The following HNF4G variants were observed in gnomAD, a reference collection of about 807,000 sequenced individuals.
HNF4G encodes the protein hepatocyte nuclear factor 4-gamma.
HNF4G carries 21 observed loss-of-function variants against 50.9 expected under a neutral mutation model. The ratio of observed to expected loss-of-function variants is 0.41; its 90% CI spans 0.29 to 0.59. The LOEUF is 0.59. Among genes scored for constraint, HNF4G ranks in the 20% least tolerant of loss-of-function variants. The pLI, the probability that HNF4G is intolerant of heterozygous loss-of-function variation, is 0.26. For synonymous variants in HNF4G, 198 were observed against 185.6 expected (o/e 1.07, Z -0.54); for missense variants, 527 against 559.4 (o/e 0.94, Z 0.58).
intron 1 of HNF4G, among the ~76,000 whole-genome samples, chr8:75,464,438 C>G (rs1266654112): frequency 6.6e-6 from 1 of 151,980 alleles, no homozygotes; most frequent in East Asian, 1.9e-4. Context: ...TTTATCTTAT[C>G]CTCAGTTTTT....
chr8:75,542,558 C>T (rs1017738821), intron 1 of HNF4G, among the ~76,000 whole-genome samples: 1 of 140,326 alleles, frequency 7.1e-6, no homozygotes, highest in African/African-American at 2.6e-5. Flanking sequence ...AAAAAAAAGA[C>T]GGTATTGCTG....
intron 2 of HNF4G, among the ~76,000 whole-genome samples, chr8:75,531,054 A>T (rs1806314166): frequency 6.6e-6 from 1 of 152,104 alleles, no homozygotes. Context: ...TTGGCCTCCC[A>T]AGGTGCTGGG....
At chr8:75,468,309 G>C in intron 1 of HNF4G, among the ~76,000 whole-genome samples, 1 of 152,100 alleles carries the variant, frequency 6.6e-6, no homozygotes, top group East Asian at 1.9e-4. Flanking sequence ...TACACTTAAA[G>C]TTTTGCAGAG....
rs747622890 is a variant in HNF4G at position 75,563,954 on chromosome 8, A to G, written c.1247-21A>G. 1.2e-5 allele frequency: 19 copies of G among 1,612,560 alleles called. No individual in the cohort carries two copies. The Admixed American group carries it at 2.0e-4, about 17-fold the overall frequency. ...AAGACTGACTGCCACCATTAGACTC[A>G]ATTCTCTGATTCTTTTTCAGCAACT... On this transcript the variant is annotated intron_variant, in intron 9 of 9. Coordinates refer to ENST00000396423, the MANE Select transcript of HNF4G (RefSeq NM_004133.5).
At chr8:75,457,622 A>C (rs570701780) in intron 1 of HNF4G, among the ~76,000 whole-genome samples, 15 of 152,220 alleles carry the variant, frequency 9.9e-5, no homozygotes, top group African/African-American at 3.6e-4. Flanking sequence ...AATTCCTTGG[A>C]GCCTGACATG....
intron 2 of HNF4G, among the ~76,000 whole-genome samples, chr8:75,544,895 A>G (rs1162244441): frequency 6.6e-6 from 1 of 152,118 alleles, no homozygotes; most frequent in Non-Finnish European, 1.5e-5. Flanking sequence ...AACTTTCTCA[A>G]AGTCTTGCCA....
chr8:75,493,634 AT>A (rs1812686382), intron 2 of HNF4G, among the ~76,000 whole-genome samples: 1 of 152,122 alleles, frequency 6.6e-6, no homozygotes, highest in Non-Finnish European at 1.5e-5. Flanking sequence ...TTAAAAAAGT[AT>A]ATTTTTAAAT....
At chr8:75,532,587 A>G (rs1806358405) in intron 2 of HNF4G, among the ~76,000 whole-genome samples, 1 of 152,104 alleles carries the variant, frequency 6.6e-6, no homozygotes, top group Non-Finnish European at 1.5e-5. Context: ...ATGGGGTAAG[A>G]GAAGAATGTT....
chr8:75,449,400 C>G (rs916758066), intron 1 of HNF4G, among the ~76,000 whole-genome samples: 13 of 151,670 alleles, frequency 8.6e-5, no homozygotes, highest in Non-Finnish European at 1.8e-4. Flanking sequence ...ACTAAAAAAA[C>G]AAATTTTTGG....
intron 2 of HNF4G, among the ~76,000 whole-genome samples, chr8:75,522,605 G>A (rs561186515): frequency 1.3e-4 from 20 of 152,020 alleles, no homozygotes; most frequent in East Asian, 3.9e-4. Context: ...ATCATTTTAC[G>A]ATGTTTGCAG....
At position 75,491,404 on chromosome 8, in the gene HNF4G, A is replaced by G. The variant is rs143358215; in HGVS notation, c.-24+1196A>G. 5.9e-5 allele frequency among the ~76,000 whole-genome samples: 9 copies of G among 152,198 alleles called. No homozygotes were observed. The East Asian group carries it at 1.5e-3, about 26-fold the overall frequency. The stretch of plus-strand genomic sequence containing the variant: ...CTAAAATCATAGTATCTTATAGGCA[A>G]TTTTTTTAGGTCATAGAAATTTGAG... On this transcript the variant is annotated intron_variant, in intron 2 of 10. Transcript: ENST00000354370.
At chr8:75,528,198 A>G (rs1040537364) in intron 2 of HNF4G, among the ~76,000 whole-genome samples, 5 of 152,182 alleles carry the variant, frequency 3.3e-5, no homozygotes, top group African/African-American at 9.7e-5. Flanking sequence ...TATCTTATCC[A>G]TGTCTTGGTA....
At chr8:75,553,866 G>A (rs1807039664) in intron 5 of HNF4G, among the ~76,000 whole-genome samples, 1 of 151,974 alleles carries the variant, frequency 6.6e-6, no homozygotes, top group African/African-American at 2.4e-5. Flanking sequence ...TGCCCATTAG[G>A]ATATTTTAAT....
At chr8:75,450,035 T>A (rs1017776584) in intron 1 of HNF4G, among the ~76,000 whole-genome samples, 1 of 152,194 alleles carries the variant, frequency 6.6e-6, no homozygotes, top group Non-Finnish European at 1.5e-5. Flanking sequence ...TAGCCTCTGG[T>A]AATCACCATT....
intron 1 of HNF4G, among the ~76,000 whole-genome samples, chr8:75,466,381 G>C (rs1225038200): frequency 1.3e-5 from 2 of 151,476 alleles, no homozygotes; most frequent in Non-Finnish European, 2.9e-5. Flanking sequence ...TATCTAATTT[G>C]TTTTATTAGA....
At chr8:75,518,163 G>C (rs1326504946) in intron 2 of HNF4G, among the ~76,000 whole-genome samples, 1 of 97,794 alleles carries the variant, frequency 1.0e-5, no homozygotes, top group African/African-American at 4.3e-5. Context: ...AACAGTCCCC[G>C]GTGTGTGATG....
intron 2 of HNF4G, among the ~76,000 whole-genome samples, chr8:75,505,811 T>G (rs926860573): frequency 1.2e-4 from 18 of 152,238 alleles, no homozygotes; most frequent in Middle Eastern, 3.4e-3. Flanking sequence ...GTGAGTTACA[T>G]TTTAAATATT....
chr8:75,533,405 A>G (rs1008811274), intron 2 of HNF4G, among the ~76,000 whole-genome samples: 1 of 151,980 alleles, frequency 6.6e-6, no homozygotes, highest in Non-Finnish European at 1.5e-5. Context: ...GGGGTTCTTC[A>G]AAAGTTCTCC....
chr8:75,522,652 T>C (rs1806076266), intron 2 of HNF4G, among the ~76,000 whole-genome samples: 1 of 152,180 alleles, frequency 6.6e-6, no homozygotes, highest in Admixed American at 6.5e-5. Context: ...CAGTAGCATC[T>C]TTCTCCCTCA....
Sources: gnomAD v4.1 joint callset for allele counts (sites outside exome capture counted in the v4.1 genomes callset) on GRCh38, gnomAD v4.1.1 for gene constraint, MANE v1.5 for transcripts, NCBI Gene and HGNC (gene_info 2026-07-23, HGNC 2026-07-21) for gene names.